ABTB3: variants seen among roughly 807,000 people sequenced by gnomAD.
The protein encoded by ABTB3 is ankyrin repeat- and BTB/POZ domain-containing protein 3.
At chr12:107,506,491 G>A in the ABTB3 span, among the ~76,000 whole-genome samples, 6 of 151,766 alleles carry the variant, frequency 4.0e-5, no homozygotes, top group Non-Finnish European at 8.8e-5. Context: ...AGAAAACTAG[G>A]CAAATGATAT....
chr12:107,358,741 C>T, the ABTB3 span, among the ~76,000 whole-genome samples: 3 of 152,160 alleles, frequency 2.0e-5, no homozygotes, highest in Admixed American at 6.5e-5. Context: ...ATTACAGGTG[C>T]ACACCACCAC....
the ABTB3 span, among the ~76,000 whole-genome samples, chr12:107,614,668 G>T: frequency 1.3e-5 from 2 of 152,330 alleles, no homozygotes; most frequent in South Asian, 2.1e-4. Flanking sequence ...AAGCACCTGA[G>T]AGGCGATCAG....
chr12:107,587,243 A>G, the ABTB3 span, among the ~76,000 whole-genome samples: 1 of 152,358 alleles, frequency 6.6e-6, no homozygotes, highest in South Asian at 2.1e-4. Context: ...GAGCTGTCGC[A>G]GATTTGTAAA....
At chr12:107,605,163 G>A in the ABTB3 span, among the ~76,000 whole-genome samples, 2 of 152,154 alleles carry the variant, frequency 1.3e-5, no homozygotes, top group East Asian at 3.8e-4. Flanking sequence ...TAATTAAAAT[G>A]TAATTGATTT....
At chr12:107,426,274 C>A in the ABTB3 span, among the ~76,000 whole-genome samples, 2 of 152,158 alleles carry the variant, frequency 1.3e-5, no homozygotes, top group African/African-American at 2.4e-5. Context: ...TAGATCGATG[C>A]GGACAAGGAG....
At chr12:107,452,460 C>T in the ABTB3 span, among the ~76,000 whole-genome samples, 1 of 152,004 alleles carries the variant, frequency 6.6e-6, no homozygotes, top group Non-Finnish European at 1.5e-5. Context: ...CCTGCCTCGG[C>T]CTCCCAAAGT....
chr12:107,413,554 A>ACATT, the ABTB3 span, among the ~76,000 whole-genome samples: 1 of 152,212 alleles, frequency 6.6e-6, no homozygotes, highest in Non-Finnish European at 1.5e-5. Flanking sequence ...TTATGAAAAA[A>ACATT]GTGATTAACA....
At chr12:107,644,947 C>T in the ABTB3 span, among the ~76,000 whole-genome samples, 32,103 of 149,528 alleles carry the variant, frequency 0.21, 4,000 homozygotes, top group African/African-American at 0.34. Context: ...TATTCCATGG[C>T]ACATATGCAC....
the ABTB3 span, among the ~76,000 whole-genome samples, chr12:107,377,835 T>C: frequency 6.6e-6 from 1 of 152,162 alleles, no homozygotes; most frequent in Non-Finnish European, 1.5e-5. Flanking sequence ...ATAAAGGCAG[T>C]AGGATGTGGC....
At chr12:107,624,389 CTA>C in the ABTB3 span, among the ~76,000 whole-genome samples, 7 of 152,078 alleles carry the variant, frequency 4.6e-5, no homozygotes, top group African/African-American at 1.7e-4. Flanking sequence ...TCTTGCAAAA[CTA>C]TGGTAAAATA....
the ABTB3 span, among the ~76,000 whole-genome samples, chr12:107,537,045 C>G: frequency 1.3e-5 from 2 of 151,996 alleles, no homozygotes; most frequent in African/African-American, 4.8e-5. Flanking sequence ...TACCACTCAG[C>G]CATTAAAAAT....
chr12:107,430,600 T>C, the ABTB3 span, among the ~76,000 whole-genome samples: 2 of 152,208 alleles, frequency 1.3e-5, no homozygotes, highest in Non-Finnish European at 2.9e-5. Flanking sequence ...CATCCGTCCG[T>C]CCATCCCTTT....
the ABTB3 span, among the ~76,000 whole-genome samples, chr12:107,361,457 C>G: frequency 6.6e-6 from 1 of 152,118 alleles, no homozygotes; most frequent in Non-Finnish European, 1.5e-5. Context: ...TTAGTTGTTT[C>G]TCATTTTTCA....
chr12:107,326,106 T>C, the ABTB3 span, among the ~76,000 whole-genome samples: 1 of 152,164 alleles, frequency 6.6e-6, no homozygotes, highest in African/African-American at 2.4e-5. Flanking sequence ...GGTTTCACCA[T>C]GCTGGCCAGG....
the ABTB3 span, among the ~76,000 whole-genome samples, chr12:107,571,522 G>A: frequency 3.9e-5 from 6 of 152,226 alleles, no homozygotes; most frequent in Admixed American, 1.3e-4. Context: ...GACCAGGCCC[G>A]TCCCTGCCCT....
At chr12:107,552,915 A>G in the ABTB3 span, among the ~76,000 whole-genome samples, 1 of 152,152 alleles carries the variant, frequency 6.6e-6, no homozygotes, top group East Asian at 1.9e-4. Context: ...CTCAATAAAT[A>G]CTTGCAGAAC....
the ABTB3 span, among the ~76,000 whole-genome samples, chr12:107,602,139 G>A: frequency 6.6e-5 from 10 of 152,154 alleles, no homozygotes; most frequent in Non-Finnish European, 1.5e-4. Context: ...GTAGGCCCAC[G>A]GCACCCTAAG....
chr12:107,482,569 C>T, the ABTB3 span, among the ~76,000 whole-genome samples: 23 of 152,158 alleles, frequency 1.5e-4, no homozygotes, highest in Admixed American at 5.9e-4. Context: ...CTGCCCTCTT[C>T]CCACCCTTCC....
chr12:107,477,039 C>T, the ABTB3 span, among the ~76,000 whole-genome samples: 1 of 152,202 alleles, frequency 6.6e-6, no homozygotes, highest in East Asian at 1.9e-4. Context: ...GGTGTGTCCA[C>T]ATGACTACTG....
Sources: allele counts gnomAD v4.1 joint callset (sites outside exome capture counted in the v4.1 genomes callset), GRCh38; gene constraint gnomAD v4.1.1; transcripts MANE v1.5; gene names NCBI Gene and HGNC (gene_info 2026-07-23, HGNC 2026-07-21).